Variants in KAT2B observed in about 807,000 individuals in gnomAD.
The protein encoded by KAT2B is histone acetyltransferase KAT2B.
Under a neutral mutation model 105.9 loss-of-function variants are expected in KAT2B, and 36 were observed. The observed-to-expected ratio is 0.34, with a 90% CI of 0.26 to 0.45. The LOEUF (loss-of-function observed/expected upper bound fraction) is 0.45. Among genes scored for constraint, KAT2B ranks in the 20% least tolerant of loss-of-function variants. The probability of loss-of-function intolerance (pLI) is 1.00; values close to 1 mark genes in which losing one functional copy is unlikely to be tolerated. For synonymous variants in KAT2B, 397 were observed against 377.9 expected (o/e 1.05, Z -0.59); for missense variants, 820 against 1,021.6 (o/e 0.80, Z 2.69).
chr3:20,140,208 A>T lies in KAT2B; in HGVS notation c.1861-13A>T. On this transcript the variant is annotated splice_polypyrimidine_tract_variant and intron_variant, in intron 12 of 17. Coordinates refer to ENST00000263754, the MANE Select transcript of KAT2B (RefSeq NM_003884.5). ...GTATGGTGTTCATATGAATGAATTT[A>T]CTTGCTTTTCAGGGTTTCTCCAAAG... is the stretch of plus-strand genomic sequence containing the variant. The T allele has an allele frequency of 6.5e-7, 1 of 1,543,264 alleles. No homozygotes were observed. The highest frequency in any genetic ancestry group is 9.0e-7 in the Non-Finnish European group (1 of 1,116,218).
At chr3:20,109,340 A>G (rs6788814) in intron 5 of KAT2B, among the ~76,000 whole-genome samples, 96,641 of 151,910 alleles carry the variant, frequency 0.64, 31,275 homozygotes, top group African/African-American at 0.76. Flanking sequence ...TCAGTGTCTC[A>G]TTCTGTCACT....
chr3:20,062,309 A>AT (rs1553645399), intron 1 of KAT2B, among the ~76,000 whole-genome samples: 11,553 of 81,028 alleles, frequency 0.14, 2,058 homozygotes, highest in Non-Finnish European at 0.2. Context: ...ATAAAATATA[A>AT]TATATATAAA....
At chr3:20,086,846 A>G (rs144592647) in intron 2 of KAT2B, among the ~76,000 whole-genome samples, 7 of 63,920 alleles carry the variant, frequency 1.1e-4, no homozygotes, top group East Asian at 7.6e-4. Context: ...CAGTGGTGCA[A>G]TCTCAGCTCA....
At chr3:20,074,105 A>G (rs1413113833) in intron 2 of KAT2B, among the ~76,000 whole-genome samples, 1 of 152,028 alleles carries the variant, frequency 6.6e-6, no homozygotes, top group Non-Finnish European at 1.5e-5. Context: ...AAAAAAAATC[A>G]CATATCCTTT....
At chr3:20,064,975 C>T (rs1351603072) in intron 1 of KAT2B, among the ~76,000 whole-genome samples, 1 of 152,172 alleles carries the variant, frequency 6.6e-6, no homozygotes, top group Non-Finnish European at 1.5e-5. Flanking sequence ...ATTAACACTG[C>T]GTGAACTGTG....
At chr3:20,137,541 CTTT>C (rs200097819) in intron 12 of KAT2B, 4 of 148,888 alleles carry the variant, frequency 2.7e-5, no homozygotes, top group Non-Finnish European at 4.5e-5. Context: ...TCCTCCCTTC[CTTT>C]TTTTTTTTTG....
intron 3 of KAT2B, among the ~76,000 whole-genome samples, chr3:20,097,563 A>G (rs1348196559): frequency 6.6e-6 from 1 of 152,144 alleles, no homozygotes; most frequent in Non-Finnish European, 1.5e-5. Flanking sequence ...TTGAGACAGA[A>G]TCTTACTCTG....
intron 2 of KAT2B, among the ~76,000 whole-genome samples, chr3:20,090,408 A>G (rs1339506456): frequency 6.6e-6 from 1 of 152,200 alleles, no homozygotes; most frequent in Non-Finnish European, 1.5e-5. Flanking sequence ...AGTTTTTATC[A>G]TGAAAGGATG....
intron 2 of KAT2B, among the ~76,000 whole-genome samples, chr3:20,084,504 T>A (rs1436990839): frequency 6.6e-6 from 1 of 152,070 alleles, no homozygotes; most frequent in Non-Finnish European, 1.5e-5. Context: ...CCCATCTCCA[T>A]CTCCCTATTC....
In KAT2B at chr3:20,040,829, C is replaced by T. The variant is rs940872393; in HGVS notation, c.303+49C>T. The T allele has an allele frequency of 5.3e-6, 8 of 1,521,246 alleles. No individual in the cohort carries two copies. The African/African-American group carries it at 1.1e-4, about 22-fold the overall frequency. 94.2% of individuals were successfully genotyped at this position (1,521,246 alleles called of 1,614,324 possible). A position where few individuals can be genotyped will look rare whatever the true frequency, so the allele number is the denominator to read the frequency against. The stretch of plus-strand genomic sequence containing the variant: ...CGCGGATGGGTGCTAGGGGCCCAGC[C>T]CGCGGGACCCCCCTCCCCCTCCCGC... On this transcript the variant is annotated intron_variant, in intron 1 of 17. Coordinates refer to ENST00000263754, the MANE Select transcript of KAT2B (RefSeq NM_003884.5).
intron 1 of KAT2B, among the ~76,000 whole-genome samples, chr3:20,043,304 G>T (rs1233017024): frequency 6.6e-6 from 1 of 152,204 alleles, no homozygotes; most frequent in African/African-American, 2.4e-5. Flanking sequence ...ATGACACACA[G>T]AATTTGTCCT....
intron 8 of KAT2B, 84 bp from the exon 9 acceptor site, chr3:20,122,584 T>A (rs1376362079): frequency 5.5e-6 from 6 of 1,088,358 alleles, no homozygotes; most frequent in Admixed American, 2.1e-5. Context: ...TGCCCATCAA[T>A]GCTGTTAGAA....
chr3:20,054,540 T>C (rs1055345434), intron 1 of KAT2B, among the ~76,000 whole-genome samples: 3 of 152,206 alleles, frequency 2.0e-5, no homozygotes, highest in African/African-American at 7.2e-5. Context: ...TCAGGGCAAG[T>C]TGTATGGGGT....
chr3:20,091,669 G>T (rs577849134), intron 2 of KAT2B, among the ~76,000 whole-genome samples: 2 of 152,142 alleles, frequency 1.3e-5, no homozygotes, highest in South Asian at 2.1e-4. Flanking sequence ...GCTGCATTTT[G>T]TAAGTTTTGG....
chr3:20,123,514 A>G (rs961002601), intron 9 of KAT2B, among the ~76,000 whole-genome samples: 6 of 152,300 alleles, frequency 3.9e-5, no homozygotes, highest in African/African-American at 1.4e-4. Flanking sequence ...GAGACAGGGA[A>G]TGTGTGGCTT....
intron 10 of KAT2B, among the ~76,000 whole-genome samples, chr3:20,127,088 G>T (rs1197041630): frequency 1.3e-5 from 2 of 152,172 alleles, no homozygotes; most frequent in African/African-American, 4.8e-5. Context: ...GTTTGTCCAT[G>T]ACTTCCTGCT....
intron 13 of KAT2B, among the ~76,000 whole-genome samples, chr3:20,140,954 C>G (rs3804563): frequency 0.42 from 64,090 of 151,934 alleles, 16,072 homozygotes; most frequent in East Asian, 0.9. Context: ...ATTTTGCATT[C>G]TGGCCTCAAT....
chr3:20,075,715 A>G (rs1698405940), intron 2 of KAT2B, among the ~76,000 whole-genome samples: 1 of 152,050 alleles, frequency 6.6e-6, no homozygotes, highest in Admixed American at 6.6e-5. Context: ...AAGGGGAGTG[A>G]AGCTTCCTTG....
chr3:20,142,989 G>A (rs1463962753), intron 13 of KAT2B, among the ~76,000 whole-genome samples: 1 of 151,384 alleles, frequency 6.6e-6, no homozygotes, highest in Non-Finnish European at 1.5e-5. Context: ...ATCTACATGT[G>A]ACAATACAAG....
Sources: allele counts gnomAD v4.1 joint callset (sites outside exome capture counted in the v4.1 genomes callset), GRCh38; gene constraint gnomAD v4.1.1; transcripts MANE v1.5; gene names NCBI Gene and HGNC (gene_info 2026-07-23, HGNC 2026-07-21).